The following ABTB2 variants were observed in gnomAD, a reference collection of about 807,000 sequenced individuals.
ABTB2 encodes the protein ankyrin repeat and BTB domain containing 2.
A neutral mutation model predicts 104.1 loss-of-function variants in ABTB2; 56 were observed. The observed-to-expected ratio is 0.54, with a 90% confidence interval of 0.43 to 0.67. The LOEUF (loss-of-function observed/expected upper bound fraction) is 0.67. Among genes scored for constraint, ABTB2 ranks in the 30% least tolerant of loss-of-function variants. ABTB2 has a pLI of 0.00. For missense variants in ABTB2, 1,279 were observed against 1,407.7 expected, an observed-to-expected ratio of 0.91 and a Z score of 1.46; for synonymous variants, 606 against 608.2, an observed-to-expected ratio of 1.00 and a Z score of 0.05.
chr11:34,331,078 G>T (rs1174899970), intron 1 of ABTB2, among the ~76,000 whole-genome samples: 1 of 152,156 alleles, frequency 6.6e-6, no homozygotes, highest in Admixed American at 6.5e-5. Flanking sequence ...CCCATAAAAC[G>T]AGGGAGTTCT....
intron 1 of ABTB2, among the ~76,000 whole-genome samples, chr11:34,282,296 A>G (rs1854456406): frequency 1.3e-5 from 2 of 152,302 alleles, no homozygotes; most frequent in South Asian, 2.1e-4. Context: ...GTAATATAGA[A>G]CATTTCATAT....
chr11:34,322,514 G>A (rs1216210825), intron 1 of ABTB2, among the ~76,000 whole-genome samples: 2 of 152,122 alleles, frequency 1.3e-5, no homozygotes, highest in African/African-American at 2.4e-5. Context: ...GGTGGAAGTT[G>A]CAGTGAACTG....
intron 1 of ABTB2, among the ~76,000 whole-genome samples, chr11:34,266,412 C>T (rs1854250938): frequency 6.6e-6 from 1 of 152,216 alleles, no homozygotes; most frequent in Non-Finnish European, 1.5e-5. Context: ...AAAGAAGTCA[C>T]ATCCCTGGCC....
intron 1 of ABTB2, among the ~76,000 whole-genome samples, chr11:34,322,419 A>T (rs1339321064): frequency 6.6e-6 from 1 of 152,050 alleles, no homozygotes; most frequent in Non-Finnish European, 1.5e-5. Flanking sequence ...CTAATAAAAT[A>T]CAAAAATTAG....
chr11:34,287,910 C>A (rs768187088), intron 1 of ABTB2, among the ~76,000 whole-genome samples: 15 of 152,108 alleles, frequency 9.9e-5, no homozygotes, highest in Non-Finnish European at 1.9e-4. Context: ...AGTCAGAGAG[C>A]CACCTTGTCC....
chr11:34,357,155 C>T lies in ABTB2; in HGVS notation c.429G>A (p.Ala143=). ...TGGCGTGCAGCACGCTCAGGCGCTG[C>T]GCCTCGCGGGCCACGCGGATCAGTG... ...RRALIRVARE[A]QRLSVLHAKC... Residue 143 remains alanine, a synonymous_variant, in exon 1 of 17, where the codon GCG becomes GCA. Transcript: ENST00000435224. 2 of 1,490,970 alleles carry T rather than the reference C, an allele frequency of 1.3e-6. No homozygotes were observed. The highest frequency in any genetic ancestry group is 2.5e-5 in the East Asian group (1 of 39,296). The allele number at this position is 1,490,970 out of a possible 1,614,324, so 92.4% of individuals were successfully genotyped here.
At chr11:34,310,506 C>G (rs573249003) in intron 1 of ABTB2, among the ~76,000 whole-genome samples, 1 of 152,248 alleles carries the variant, frequency 6.6e-6, no homozygotes, top group East Asian at 1.9e-4. Context: ...TTGTGGGTTT[C>G]CTCCTCACAC....
intron 1 of ABTB2, among the ~76,000 whole-genome samples, chr11:34,238,009 T>G (rs1182899608): frequency 1.3e-5 from 2 of 152,236 alleles, no homozygotes; most frequent in East Asian, 1.9e-4. Flanking sequence ...ATTGTATGCA[T>G]GTATCAAAAT....
intron 1 of ABTB2, among the ~76,000 whole-genome samples, chr11:34,210,071 T>G (rs1022877529): frequency 1.3e-5 from 2 of 152,128 alleles, no homozygotes; most frequent in African/African-American, 4.8e-5. Flanking sequence ...AGTTTTAGCT[T>G]GCAGAGGCGC....
rs377506886 is a variant in ABTB2 at position 34,159,458 on chromosome 11, C to G, written c.2607-72G>C. 32 of 969,554 alleles carry G rather than the reference C, an allele frequency of 3.3e-5. No homozygotes were observed. The East Asian group carries it at 6.9e-4, about 21-fold the overall frequency. The allele number at this position is 969,554 out of a possible 1,614,324, so 60.1% of individuals were successfully genotyped here. On this transcript the variant is annotated intron_variant, in intron 13 of 16. Transcript: ENST00000435224. ...CACCACTGTGTGGCGATGGCACCAT[C>G]TGTCACCTGACCGGCTACCACAAGA... is the stretch of plus-strand genomic sequence containing the variant.
At chr11:34,188,716 C>G (rs1853134823) in intron 3 of ABTB2, among the ~76,000 whole-genome samples, 1 of 152,180 alleles carries the variant, frequency 6.6e-6, no homozygotes, top group Admixed American at 6.5e-5. Flanking sequence ...AGCATAAAGC[C>G]ACCACTGCCA....
intron 1 of ABTB2, chr11:34,336,023 C>T: frequency 2.1e-6 from 1 of 466,458 alleles, no homozygotes; most frequent in Non-Finnish European, 3.9e-6. Flanking sequence ...GGGGACAGTT[C>T]ACTAAATAGC....
intron 1 of ABTB2, among the ~76,000 whole-genome samples, chr11:34,325,964 A>ATAAAATAAAAT (rs1564932969): frequency 6.3e-5 from 6 of 95,288 alleles, no homozygotes; most frequent in Non-Finnish European, 1.6e-4. Context: ...ATAAAATAAA[A>ATAAAATAAAAT]TAAAATAAAA....
At chr11:34,162,456 TG>T in intron 10 of ABTB2, 119 bp downstream of exon 10, 1 of 1,119,856 alleles carries the variant, frequency 8.9e-7, no homozygotes, top group South Asian at 1.5e-5. Context: ...TCAGCTGCCC[TG>T]GGGCTTGTCT....
Position 34,277,479 on chromosome 11 carries a change from T to A in ABTB2, c.884-72789A>T, listed in dbSNP as rs181865391. The stretch of plus-strand genomic sequence containing the variant: ...CATTTCATTTCCTAAATGTCTTATT[T>A]AAAAAAAAAAACAAACAGATTTGGC... On this transcript the variant is annotated intron_variant, in intron 1 of 16. Transcript: ENST00000435224. Among the ~76,000 whole-genome samples the A allele has an allele frequency of 1.4e-3, 206 of 144,026 alleles. 4 individuals are homozygous for A. The East Asian group carries it at 0.021, about 15-fold the overall frequency. The allele number at this position is 144,026 out of a possible 152,430, so 94.5% of individuals were successfully genotyped here. A position where few individuals can be genotyped will look rare whatever the true frequency, so the allele number is the denominator to read the frequency against.
At chr11:34,174,218 T>C (rs985412766) in intron 3 of ABTB2, among the ~76,000 whole-genome samples, 5 of 150,086 alleles carry the variant, frequency 3.3e-5, no homozygotes, top group East Asian at 1.9e-4. Flanking sequence ...CCAGCTACTC[T>C]GGAGGCTGAG....
At chr11:34,306,363 C>T (rs1854772049) in intron 1 of ABTB2, among the ~76,000 whole-genome samples, 1 of 149,546 alleles carries the variant, frequency 6.7e-6, no homozygotes, top group African/African-American at 2.5e-5. Context: ...TCTCCTGCCT[C>T]AGCCTCCTGA....
chr11:34,203,384 T>G (rs933515934), intron 2 of ABTB2, among the ~76,000 whole-genome samples: 1 of 152,194 alleles, frequency 6.6e-6, no homozygotes, highest in African/African-American at 2.4e-5. Context: ...TGCTCTCCAG[T>G]GGACCAGGGG....
intron 1 of ABTB2, among the ~76,000 whole-genome samples, chr11:34,316,089 G>A (rs747551223): frequency 6.6e-6 from 1 of 152,198 alleles, no homozygotes; most frequent in Admixed American, 6.5e-5. Flanking sequence ...GCTAGAACAA[G>A]GCTAAAAATG....
Sources: allele counts gnomAD v4.1 joint callset (sites outside exome capture counted in the v4.1 genomes callset), GRCh38; gene constraint gnomAD v4.1.1; transcripts MANE v1.5; gene names NCBI Gene and HGNC (gene_info 2026-07-23, HGNC 2026-07-21).